ARHGAP18: variants seen among roughly 807,000 people sequenced by gnomAD.
ARHGAP18 encodes Rho GTPase activating protein 18.
A neutral mutation model predicts 86.2 loss-of-function variants in ARHGAP18; 67 were observed. The ratio of observed to expected loss-of-function variants is 0.78; its 90% CI spans 0.64 to 0.95. ARHGAP18 has a LOEUF of 0.95. Among genes scored for constraint, ARHGAP18 ranks in the 40% least tolerant of loss-of-function variants. The pLI is 0.00. For synonymous variants in ARHGAP18, 283 were observed against 280.4 expected, an observed-to-expected ratio of 1.01 and a Z score of -0.09; for missense variants, 691 against 780.4, an observed-to-expected ratio of 0.89 and a Z score of 1.37.
chr6:129,660,572 C>A (rs950856182), intron 1 of ARHGAP18, among the ~76,000 whole-genome samples: 19 of 152,302 alleles, frequency 1.2e-4, no homozygotes, highest in Non-Finnish European at 2.5e-4. Flanking sequence ...ATGTTGGAGA[C>A]CCTTGCTACC....
rs747015023 is a variant in ARHGAP18, at chr6:129,641,895, C to A, written c.237G>T (p.Trp79Cys). The change falls in exon 2 of 15, where the codon TGG becomes TGT. Residue 79 changes from tryptophan (W) to cysteine (C), a missense_variant. Physicochemically the swap from Trp to Cys is radical, Grantham distance 215 (BLOSUM62 -2). Transcript: ENST00000368149. ...ATTTCTTGATGTTTTCTAGTTCTAT[C>A]CAATAGTCTTCCATAGATAGTTCAT... ...SLDELSMEDY[W>C]IELENIKKSS... is the part of the protein sequence containing the mutation. 6.2e-7 allele frequency: 1 copy of A among 1,613,914 alleles called. No individual in the cohort carries two copies. Among genetic ancestry groups the A allele is most frequent in the Non-Finnish European group, 8.5e-7 (1 of 1,179,894 alleles).
intron 1 of ARHGAP18, among the ~76,000 whole-genome samples, chr6:129,661,669 A>G (rs1773954787): frequency 6.6e-6 from 1 of 152,116 alleles, no homozygotes; most frequent in African/African-American, 2.4e-5. Context: ...TGAGAACAAG[A>G]TGTTCTCTTC....
intron 7 of ARHGAP18, among the ~76,000 whole-genome samples, chr6:129,614,352 T>C (rs1789047146): frequency 6.6e-6 from 1 of 152,218 alleles, no homozygotes; most frequent in Non-Finnish European, 1.5e-5. Flanking sequence ...TTTTTGCTTA[T>C]AATTCACAAG....
chr6:129,637,572 G>A (rs906137540), intron 3 of ARHGAP18, among the ~76,000 whole-genome samples: 1 of 152,116 alleles, frequency 6.6e-6, no homozygotes, highest in Non-Finnish European at 1.5e-5. Flanking sequence ...TGTATATAGT[G>A]AACTCTAACC....
chr6:129,679,730 G>A (rs574142268), intron 1 of ARHGAP18, among the ~76,000 whole-genome samples: 11 of 152,276 alleles, frequency 7.2e-5, no homozygotes, highest in Admixed American at 3.3e-4. Flanking sequence ...TTTCCATTTC[G>A]TTTTTATTTC....
chr6:129,685,088 C>A (rs981374642), intron 1 of ARHGAP18, among the ~76,000 whole-genome samples: 1 of 152,132 alleles, frequency 6.6e-6, no homozygotes, highest in Non-Finnish European at 1.5e-5. Flanking sequence ...AACCAGGCTG[C>A]CAGGGTTTCA....
intron 1 of ARHGAP18, among the ~76,000 whole-genome samples, chr6:129,688,856 C>T (rs541759822): frequency 4.6e-5 from 7 of 152,064 alleles, no homozygotes; most frequent in Admixed American, 4.6e-4. Context: ...CCAAATATAG[C>T]TGCTACCAGT....
intron 1 of ARHGAP18, among the ~76,000 whole-genome samples, chr6:129,703,537 C>T (rs1774753091): frequency 6.6e-6 from 1 of 152,102 alleles, no homozygotes; most frequent in Non-Finnish European, 1.5e-5. Flanking sequence ...TCTCTAAATC[C>T]TTATATTCGA....
intron 1 of ARHGAP18, among the ~76,000 whole-genome samples, chr6:129,703,996 GTAA>G (rs10596245): frequency 0.8 from 121,162 of 151,626 alleles, 48,541 homozygotes; most frequent in South Asian, 0.86. Context: ...ATATGATCAG[GTAA>G]TAATACACTA....
At chr6:129,622,075 T>C (rs1335045662) in intron 5 of ARHGAP18, among the ~76,000 whole-genome samples, 1 of 152,206 alleles carries the variant, frequency 6.6e-6, no homozygotes, top group East Asian at 1.9e-4. Flanking sequence ...GTAACGCTGT[T>C]GTACCACAGA....
At chr6:129,659,054 TATC>T (rs777814819) in intron 1 of ARHGAP18, among the ~76,000 whole-genome samples, 4 of 152,218 alleles carry the variant, frequency 2.6e-5, no homozygotes, top group African/African-American at 9.6e-5. Flanking sequence ...ATACACCAAA[TATC>T]ATCACTGCAA....
chr6:129,684,330 T>C lies in ARHGAP18; in HGVS notation c.113+25694A>G, dbSNP rs1282803357. On this transcript the variant is annotated intron_variant, in intron 1 of 14. Transcript: ENST00000368149. ...ACTGTGGGGAGAGCAACAGATTAACTACACAAACTGTTGCTTTAAGATAGC... is the reference window on the plus strand; with the variant it reads ...ACTGTGGGGAGAGCAACAGATTAACCACACAAACTGTTGCTTTAAGATAGC... 2.0e-5 allele frequency among the ~76,000 whole-genome samples: 3 copies of C among 152,266 alleles called. No homozygotes were observed. The East Asian group carries it at 5.8e-4, about 29-fold the overall frequency.
intron 1 of ARHGAP18, among the ~76,000 whole-genome samples, chr6:129,652,583 T>C (rs893339459): frequency 1.3e-5 from 2 of 152,236 alleles, no homozygotes; most frequent in African/African-American, 4.8e-5. Flanking sequence ...ATCTCATCAC[T>C]ACAGTTTGCC....
Position 129,608,084 on chromosome 6 carries a change from AAAG to A in ARHGAP18, c.1123-35_1123-33del, listed in dbSNP as rs753327682. 8 of 1,524,230 alleles carry A rather than the reference AAAG, an allele frequency of 5.2e-6. No homozygotes were observed. The Admixed American group carries it at 1.6e-4, about 30-fold the overall frequency. 94.4% of individuals were successfully genotyped at this position (1,524,230 alleles called of 1,614,324 possible). A position where few individuals can be genotyped will look rare whatever the true frequency, so the allele number is the denominator to read the frequency against. On this transcript the variant is annotated intron_variant, in intron 8 of 14. Transcript: ENST00000368149. Reference sequence around the variant, plus strand: ...GGCACGAAAAAAAAAAAAAAAAAAAAAAGAAGCAGCTAGAAGTGCATTTTTTTT... The same window carrying A: ...GGCACGAAAAAAAAAAAAAAAAAAAAAAGCAGCTAGAAGTGCATTTTTTTT...
intron 1 of ARHGAP18, among the ~76,000 whole-genome samples, chr6:129,689,440 G>A (rs2326861): frequency 0.49 from 74,974 of 151,800 alleles, 18,748 homozygotes; most frequent in Admixed American, 0.56. Flanking sequence ...TTATGGGCAT[G>A]CACCTTCATG....
At chr6:129,619,008 C>T (rs555768558) in intron 5 of ARHGAP18, among the ~76,000 whole-genome samples, 156 bp from the exon 6 acceptor site, 3 of 151,664 alleles carry the variant, frequency 2.0e-5, no homozygotes, top group Non-Finnish European at 2.9e-5. Context: ...GTGATCCTGT[C>T]ATGATGACGA....
chr6:129,634,020 C>T (rs747113890), intron 4 of ARHGAP18, 22 bp downstream of exon 4: 8 of 1,423,670 alleles, frequency 5.6e-6, no homozygotes, highest in Non-Finnish European at 7.5e-6. Flanking sequence ...AAAAAAAAAA[C>T]AAGAGAACAG....
chr6:129,698,562 G>GA (rs1474092152), intron 1 of ARHGAP18, among the ~76,000 whole-genome samples: 1 of 150,930 alleles, frequency 6.6e-6, no homozygotes, highest in Non-Finnish European at 1.5e-5. Context: ...GTTGGGAGGG[G>GA]AACGTAGTCT....
chr6:129,693,908 CAGCTGACCAT>C (rs138166447), intron 1 of ARHGAP18, among the ~76,000 whole-genome samples: 33,199 of 152,052 alleles, frequency 0.22, 4,683 homozygotes, highest in Non-Finnish European at 0.3. Context: ...GTTATACGAA[CAGCTGACCAT>C]GAAATGCCAG....
Sources: allele counts gnomAD v4.1 joint callset (sites outside exome capture counted in the v4.1 genomes callset), GRCh38; gene constraint gnomAD v4.1.1; transcripts MANE v1.5; gene names NCBI Gene and HGNC (gene_info 2026-07-23, HGNC 2026-07-21).